The following ST8SIA4 variants were observed in gnomAD, a reference collection of about 807,000 sequenced individuals.
ST8SIA4 encodes ST8 alpha-N-acetyl-neuraminide alpha-2,8-sialyltransferase 4.
A neutral mutation model predicts 33.9 loss-of-function variants in ST8SIA4; 15 were observed. That is an observed-to-expected ratio of 0.44 (90% CI 0.30 to 0.68). The LOEUF is 0.68. Among genes scored for constraint, ST8SIA4 ranks in the 30% least tolerant of loss-of-function variants. The pLI is 0.10. For synonymous variants in ST8SIA4, 171 were observed against 151.2 expected (o/e 1.13, Z -0.96); for missense variants, 321 against 428.0 (o/e 0.75, Z 2.21).
intron 2 of ST8SIA4, among the ~76,000 whole-genome samples, chr5:100,891,767 A>G (rs1450452622): frequency 8.5e-5 from 13 of 152,068 alleles, no homozygotes. Context: ...TCTTAACAAA[A>G]TTATTTTATA....
intron 4 of ST8SIA4, among the ~76,000 whole-genome samples, chr5:100,838,937 C>T (rs1298652868): frequency 1.3e-5 from 2 of 151,890 alleles, no homozygotes; most frequent in Non-Finnish European, 2.9e-5. Context: ...TATAAACTTC[C>T]TAGCAAAATG....
intron 1 of ST8SIA4, among the ~76,000 whole-genome samples, chr5:100,896,516 C>A (rs1752783223): frequency 6.6e-6 from 1 of 151,938 alleles, no homozygotes; most frequent in African/African-American, 2.4e-5. Context: ...TTCTGTTGCA[C>A]AACACAGTGA....
intron 3 of ST8SIA4, among the ~76,000 whole-genome samples, chr5:100,877,543 C>T (rs923697007): frequency 9.2e-5 from 14 of 152,086 alleles, no homozygotes; most frequent in African/African-American, 3.4e-4. Context: ...TTGAAGATCT[C>T]GTGTCCACAA....
At chr5:100,813,210 C>A (rs1750848989) in intron 4 of ST8SIA4, among the ~76,000 whole-genome samples, 1 of 151,834 alleles carries the variant, frequency 6.6e-6, no homozygotes, top group African/African-American at 2.4e-5. Flanking sequence ...ATCTAGAGTA[C>A]TGAGTATGAA....
intron 1 of ST8SIA4, among the ~76,000 whole-genome samples, chr5:100,899,442 G>A (rs1051801191): frequency 5.3e-5 from 8 of 152,166 alleles, no homozygotes; most frequent in African/African-American, 1.9e-4. Flanking sequence ...TAACTTTGCT[G>A]TCAATGGTAA....
intron 4 of ST8SIA4, among the ~76,000 whole-genome samples, chr5:100,824,667 G>GA (rs1159269583): frequency 6.6e-6 from 1 of 152,030 alleles, no homozygotes; most frequent in African/African-American, 2.4e-5. Context: ...AAAAAAGGTG[G>GA]AGGGGGGCAA....
At chr5:100,889,601 T>C (rs1752615370) in intron 2 of ST8SIA4, among the ~76,000 whole-genome samples, 1 of 151,958 alleles carries the variant, frequency 6.6e-6, no homozygotes, top group South Asian at 2.1e-4. Context: ...TATAGACAGT[T>C]AGTTGCAAAA....
At chr5:100,825,809 C>T (rs1751130312) in intron 4 of ST8SIA4, among the ~76,000 whole-genome samples, 2 of 152,134 alleles carry the variant, frequency 1.3e-5, no homozygotes, top group South Asian at 4.1e-4. Context: ...TCATTATTTA[C>T]CTAACCTGTA....
intron 3 of ST8SIA4, among the ~76,000 whole-genome samples, chr5:100,862,565 T>A (rs1300442387): frequency 6.7e-6 from 1 of 149,718 alleles, no homozygotes; most frequent in Non-Finnish European, 1.5e-5. Context: ...CCCCAGCCAT[T>A]TTTTTTTTGT....
In ST8SIA4 at chr5:100,831,474, A is replaced by AT. The variant is rs1043456478; in HGVS notation, c.798-19346dup. Among the ~76,000 whole-genome samples, 11 of 152,258 alleles carry AT rather than the reference A, an allele frequency of 7.2e-5. No individual in the cohort carries two copies. In the East Asian group the frequency reaches 9.6e-4, roughly 13 times the overall value. ...ACTTCCCACCTGGATTCTTAACCAG[A>AT]TTTTTTTTAATTCTTTTTGAGGCAC... On this transcript the variant is annotated intron_variant, in intron 4 of 4. Transcript: ENST00000231461.
intron 4 of ST8SIA4, among the ~76,000 whole-genome samples, chr5:100,829,680 C>T (rs1040072294): frequency 3.6e-4 from 54 of 152,078 alleles, no homozygotes; most frequent in African/African-American, 1.2e-3. Flanking sequence ...GAGGCCGAAG[C>T]GGGTGGATCA....
intron 3 of ST8SIA4, among the ~76,000 whole-genome samples, chr5:100,865,950 G>A (rs1752052194): frequency 6.6e-6 from 1 of 152,094 alleles, no homozygotes; most frequent in Non-Finnish European, 1.5e-5. Flanking sequence ...TCTGTTTGAT[G>A]AGACTTCCTG....
chr5:100,812,496 G>A (rs1194242308), intron 4 of ST8SIA4, among the ~76,000 whole-genome samples: 1 of 151,914 alleles, frequency 6.6e-6, no homozygotes, highest in Non-Finnish European at 1.5e-5. Flanking sequence ...ATTGGGTAGA[G>A]ATTAAGTAAT....
intron 4 of ST8SIA4, among the ~76,000 whole-genome samples, chr5:100,821,458 T>A (rs1751029596): frequency 6.6e-6 from 1 of 152,154 alleles, no homozygotes; most frequent in Non-Finnish European, 1.5e-5. Flanking sequence ...TTAATTTTAC[T>A]ATGACAATAA....
intron 3 of ST8SIA4, among the ~76,000 whole-genome samples, chr5:100,872,907 G>A (rs937965370): frequency 6.6e-6 from 1 of 151,396 alleles, no homozygotes; most frequent in Non-Finnish European, 1.5e-5. Context: ...CAAACATAGT[G>A]GGAGCTCCAG....
intron 3 of ST8SIA4, among the ~76,000 whole-genome samples, chr5:100,858,507 G>A (rs192176274): frequency 2.0e-5 from 3 of 151,930 alleles, no homozygotes; most frequent in African/African-American, 7.2e-5. Flanking sequence ...CTCAATTACT[G>A]TATACTTTTT....
At chr5:100,884,240 A>G (rs3756351) in intron 3 of ST8SIA4, among the ~76,000 whole-genome samples, 51,640 of 152,040 alleles carry the variant, frequency 0.34, 8,892 homozygotes, top group African/African-American at 0.36. Context: ...GGAAGAGAAA[A>G]TATATGTACA....
At chr5:100,900,010 T>A (rs1752866073) in intron 1 of ST8SIA4, among the ~76,000 whole-genome samples, 1 of 152,316 alleles carries the variant, frequency 6.6e-6, no homozygotes, top group East Asian at 1.9e-4. Context: ...CCTTTGGAGA[T>A]ATGAGAATGT....
chr5:100,900,199 T>C (rs937428821), intron 1 of ST8SIA4: 1 of 337,306 alleles, frequency 3.0e-6, no homozygotes, highest in Non-Finnish European at 6.0e-6. Flanking sequence ...AAAAGCTAAA[T>C]ATGAATCTGG....
Sources: allele counts gnomAD v4.1 joint callset (sites outside exome capture counted in the v4.1 genomes callset), GRCh38; gene constraint gnomAD v4.1.1; transcripts MANE v1.5; gene names NCBI Gene and HGNC (gene_info 2026-07-23, HGNC 2026-07-21).